L3MBTL4: variants seen among roughly 807,000 people sequenced by gnomAD.
The protein encoded by L3MBTL4 is lethal(3)malignant brain tumor-like protein 4.
Under a neutral mutation model 84.5 loss-of-function variants are expected in L3MBTL4, and 70 were observed. That is an observed-to-expected ratio of 0.83 (90% CI 0.68 to 1.01). The LOEUF is 1.01. L3MBTL4 is among the 50% of genes least tolerant of loss of function. The pLI is 0.00. For synonymous variants in L3MBTL4, 274 were observed against 259.8 expected, an observed-to-expected ratio of 1.05 and a Z score of -0.52; for missense variants, 715 against 754.8, an observed-to-expected ratio of 0.95 and a Z score of 0.62.
intron 12 of L3MBTL4, among the ~76,000 whole-genome samples, chr18:6,209,201 T>A (rs2045995376): frequency 6.6e-6 from 1 of 151,492 alleles, no homozygotes; most frequent in Admixed American, 6.6e-5. Context: ...CCTAAAAGAG[T>A]TGATGTGAAG....
At chr18:6,277,155 G>T (rs2049118576) in intron 4 of L3MBTL4, among the ~76,000 whole-genome samples, 1 of 106,578 alleles carries the variant, frequency 9.4e-6, no homozygotes, top group Admixed American at 1.2e-4. Flanking sequence ...GGGGACGGGG[G>T]AGGGATAGTA....
intron 1 of L3MBTL4, among the ~76,000 whole-genome samples, chr18:6,370,860 T>C (rs907888298): frequency 3.9e-5 from 6 of 152,216 alleles, no homozygotes; most frequent in Non-Finnish European, 7.3e-5. Context: ...TGGGTTTCCA[T>C]GACTGGAGGC....
chr18:6,076,379 A>C (rs561420165), intron 16 of L3MBTL4, among the ~76,000 whole-genome samples: 1 of 152,224 alleles, frequency 6.6e-6, no homozygotes. Context: ...TTCCATTTAT[A>C]AAATTTTGCA....
chr18:6,220,135 A>G (rs1427886928), intron 10 of L3MBTL4, among the ~76,000 whole-genome samples: 1 of 152,202 alleles, frequency 6.6e-6, no homozygotes, highest in Non-Finnish European at 1.5e-5. Flanking sequence ...GGGTCAAGAA[A>G]AAGCCCTTCT....
At chr18:6,411,252 G>T (rs1000838021) in intron 1 of L3MBTL4, among the ~76,000 whole-genome samples, 1 of 133,304 alleles carries the variant, frequency 7.5e-6, no homozygotes, top group African/African-American at 2.9e-5. Context: ...GTTATTCACT[G>T]TAGTAAATAG....
chr18:6,201,026 C>T (rs2045627250), intron 12 of L3MBTL4, among the ~76,000 whole-genome samples: 1 of 152,026 alleles, frequency 6.6e-6, no homozygotes, highest in Non-Finnish European at 1.5e-5. Flanking sequence ...TATTGAGTAC[C>T]CATGAAATGC....
At chr18:6,040,145 G>A (rs188540492) in intron 16 of L3MBTL4, among the ~76,000 whole-genome samples, 4 of 152,232 alleles carry the variant, frequency 2.6e-5, no homozygotes, top group Admixed American at 1.3e-4. Flanking sequence ...AATATACCCT[G>A]CAAGGTATTT....
At chr18:6,232,615 G>T (rs1257871987) in intron 10 of L3MBTL4, among the ~76,000 whole-genome samples, 1 of 151,928 alleles carries the variant, frequency 6.6e-6, no homozygotes, top group Non-Finnish European at 1.5e-5. Flanking sequence ...TATGAAGCAG[G>T]AGTCATGAAT....
At chr18:6,408,773 C>G (rs1171325985) in intron 1 of L3MBTL4, among the ~76,000 whole-genome samples, 1 of 151,936 alleles carries the variant, frequency 6.6e-6, no homozygotes, top group African/African-American at 2.4e-5. Context: ...CCCCCACCTC[C>G]CGGGTTGAAG....
At chr18:6,224,791 G>A (rs539698804) in intron 10 of L3MBTL4, among the ~76,000 whole-genome samples, 1 of 152,206 alleles carries the variant, frequency 6.6e-6, no homozygotes, top group African/African-American at 2.4e-5. Flanking sequence ...CTCACAAGCT[G>A]ACAAGCTCCA....
intron 12 of L3MBTL4, among the ~76,000 whole-genome samples, chr18:6,207,026 T>C (rs8092244): frequency 0.073 from 11,049 of 152,218 alleles, 1,331 homozygotes; most frequent in African/African-American, 0.25. Context: ...AAAAAGACCC[T>C]TATTACCACC....
intron 5 of L3MBTL4, among the ~76,000 whole-genome samples, chr18:6,247,779 C>T (rs1481462968): frequency 6.6e-6 from 1 of 151,130 alleles, no homozygotes; most frequent in Non-Finnish European, 1.5e-5. Context: ...ACAGGCCCTT[C>T]CTCTGATTTT....
chr18:5,967,606 A>G (rs1256454822), intron 17 of L3MBTL4, among the ~76,000 whole-genome samples: 1 of 152,182 alleles, frequency 6.6e-6, no homozygotes, highest in Non-Finnish European at 1.5e-5. Context: ...TATTAAGTGC[A>G]GAGTGTAGTG....
chr18:6,189,622 A>T (rs1487101066), intron 12 of L3MBTL4, among the ~76,000 whole-genome samples: 1 of 152,190 alleles, frequency 6.6e-6, no homozygotes. Context: ...TAATTACTAT[A>T]AATGTAAAAT....
At chr18:6,372,142 C>T (rs2054183108) in intron 1 of L3MBTL4, among the ~76,000 whole-genome samples, 1 of 152,156 alleles carries the variant, frequency 6.6e-6, no homozygotes, top group Non-Finnish European at 1.5e-5. Flanking sequence ...CTCCTTTCTC[C>T]ACCTCCCTCT....
intron 12 of L3MBTL4, among the ~76,000 whole-genome samples, chr18:6,204,197 T>TC (rs2045771491): frequency 6.6e-6 from 1 of 152,226 alleles, no homozygotes; most frequent in Admixed American, 6.5e-5. Flanking sequence ...GGAAGACACT[T>TC]CCCCATGAAT....
intron 16 of L3MBTL4, chr18:6,032,102 C>A: frequency 4.6e-6 from 1 of 217,396 alleles, no homozygotes. Context: ...CTCAGCTTCC[C>A]CAGTAGGTGG....
chr18:6,244,096 G>C (rs1007560099), intron 6 of L3MBTL4, among the ~76,000 whole-genome samples: 2 of 152,156 alleles, frequency 1.3e-5, no homozygotes, highest in South Asian at 2.1e-4. Flanking sequence ...TTCATAAAGT[G>C]AATGTATTTA....
At chr18:6,015,165 T>C (rs1023262859) in intron 16 of L3MBTL4, among the ~76,000 whole-genome samples, 3 of 152,128 alleles carry the variant, frequency 2.0e-5, no homozygotes. Context: ...TTTCAAAGTA[T>C]TCTGCACAAA....
Sources: allele counts gnomAD v4.1 joint callset (sites outside exome capture counted in the v4.1 genomes callset), GRCh38; gene constraint gnomAD v4.1.1; transcripts MANE v1.5; gene names NCBI Gene and HGNC (gene_info 2026-07-23, HGNC 2026-07-21).